The following RALGPS2 variants were observed in gnomAD, a reference collection of about 807,000 sequenced individuals.
RALGPS2 encodes the protein Ral GEF with PH domain and SH3 binding motif 2.
Under a neutral mutation model 86.8 loss-of-function variants are expected in RALGPS2, and 43 were observed. That is an observed-to-expected ratio of 0.50 (90% CI 0.39 to 0.64). The LOEUF (loss-of-function observed/expected upper bound fraction) is 0.64, where lower values mean the gene tolerates loss of function less well. RALGPS2 is among the 30% of genes least tolerant of loss of function. The pLI, the probability that RALGPS2 is intolerant of heterozygous loss-of-function variation, is 0.00. For synonymous variants in RALGPS2, 243 were observed against 231.3 expected (o/e 1.05, Z -0.46); for missense variants, 536 against 694.6 (o/e 0.77, Z 2.57).
chr1:178,785,405 T>G (rs1006653831), intron 3 of RALGPS2, 152 bp from the exon 4 acceptor site: 1 of 519,166 alleles, frequency 1.9e-6, no homozygotes, highest in African/African-American at 2.0e-5. Flanking sequence ...TAATTCTATT[T>G]AATGGTACAG....
At chr1:178,833,292 C>G in intron 7 of RALGPS2, 132 bp from the exon 8 acceptor site, 1 of 831,422 alleles carries the variant, frequency 1.2e-6, no homozygotes, top group East Asian at 3.7e-5. Flanking sequence ...TATATACTAC[C>G]AAGATATAAT....
At chr1:178,894,768 T>C (rs1019038405) in intron 16 of RALGPS2, among the ~76,000 whole-genome samples, 4 of 152,072 alleles carry the variant, frequency 2.6e-5, no homozygotes, top group Non-Finnish European at 5.9e-5. Flanking sequence ...TAAAATGTTA[T>C]TATATGTGCC....
At chr1:178,855,964 TA>T (rs1657510300) in intron 8 of RALGPS2, among the ~76,000 whole-genome samples, 1 of 148,474 alleles carries the variant, frequency 6.7e-6, no homozygotes, top group Non-Finnish European at 1.5e-5. Flanking sequence ...ATATCTAATA[TA>T]AGAACAAAAA....
chr1:178,901,140 G>A (rs1257810651), intron 17 of RALGPS2, among the ~76,000 whole-genome samples: 3 of 151,718 alleles, frequency 2.0e-5, no homozygotes, highest in South Asian at 2.1e-4. Flanking sequence ...TCCTTTAATC[G>A]TGAAGCATAT....
At chr1:178,865,249 C>T in intron 8 of RALGPS2, 1 of 1,614,084 alleles carries the variant, frequency 6.2e-7, no homozygotes. Context: ...CGTATTTCAC[C>T]TCTAGTTCCC....
At chr1:178,906,640 A>G (rs1384172265) in intron 18 of RALGPS2, 136 bp from the exon 19 acceptor site, 3 of 638,126 alleles carry the variant, frequency 4.7e-6, no homozygotes, top group African/African-American at 1.9e-5. Context: ...AGGAAATACA[A>G]TAAAATGGAG....
intron 8 of RALGPS2, among the ~76,000 whole-genome samples, chr1:178,875,502 C>CTT (rs1263396852): frequency 2.6e-5 from 4 of 152,172 alleles, no homozygotes; most frequent in African/African-American, 7.2e-5. Context: ...AATCCTAGCA[C>CTT]TTTGGGAGGC....
chr1:178,861,818 A>G (rs1313549374), intron 8 of RALGPS2, among the ~76,000 whole-genome samples: 1 of 152,164 alleles, frequency 6.6e-6, no homozygotes, highest in Non-Finnish European at 1.5e-5. Context: ...CCAGTGGGTC[A>G]CTTTATACAC....
At chr1:178,845,540 A>G (rs1197124938) in intron 8 of RALGPS2, among the ~76,000 whole-genome samples, 2 of 152,188 alleles carry the variant, frequency 1.3e-5, no homozygotes, top group Non-Finnish European at 2.9e-5. Flanking sequence ...AAGTAGTCAT[A>G]TAATAAATGT....
intron 1 of RALGPS2, among the ~76,000 whole-genome samples, chr1:178,773,344 T>C (rs1652900958): frequency 6.6e-6 from 1 of 150,980 alleles, no homozygotes; most frequent in Admixed American, 6.6e-5. Context: ...ACCCTGTCTC[T>C]TAAAAAAAAG....
chr1:178,855,281 C>G (rs12565332), intron 8 of RALGPS2, among the ~76,000 whole-genome samples: 22,868 of 148,372 alleles, frequency 0.15, 2,022 homozygotes, highest in East Asian at 0.32. Flanking sequence ...GTAGATTGTT[C>G]CGTGAGGACA....
chr1:178,883,473 T>G lies in RALGPS2; in HGVS notation c.844T>G (p.Leu282Val). 1.9e-6 allele frequency: 3 copies of G among 1,611,206 alleles called. No homozygotes were observed. Among genetic ancestry groups the G allele is most frequent in the Non-Finnish European group, 2.5e-6 (3 of 1,177,374 alleles). The change falls in exon 11 of 20, where the codon TTA becomes GTA. Residue 282 changes from leucine (L) to valine (V), a missense_variant. By Grantham distance (32) the Leu-to-Val change is conservative. Transcript: ENST00000367635. ...TGTCTTTTTAAAATTCAGGCTTTCA[T>G]TAAAGATAGAACCAGGGACAAGCAC... ...FVEDDNYKLSLKIEPGTSTPR... is the reference protein window; with the variant it reads ...FVEDDNYKLSVKIEPGTSTPR...
At chr1:178,771,498 T>G (rs547629463) in intron 1 of RALGPS2, among the ~76,000 whole-genome samples, 1 of 152,328 alleles carries the variant, frequency 6.6e-6, no homozygotes, top group African/African-American at 2.4e-5. Context: ...GATGTCTCTC[T>G]TTTCCCCATT....
rs994594825 is a variant in RALGPS2 at position 178,736,875 on chromosome 1, C to G, written c.-84+11456C>G. On this transcript the variant is annotated intron_variant, in intron 1 of 19. Transcript: ENST00000367635. The stretch of plus-strand genomic sequence containing the variant: ...TCGAGCCACTGCACTCCAGCCTGGG[C>G]AACAGAAGGACACCCCTGTCTTAAA... Among the ~76,000 whole-genome samples, 6 of 152,016 alleles carry G rather than the reference C, an allele frequency of 3.9e-5. 1 individual carries two copies. The highest frequency in any genetic ancestry group is 8.8e-5 in the Non-Finnish European group (6 of 68,014).
At chr1:178,731,439 C>T (rs1650354217) in intron 1 of RALGPS2, among the ~76,000 whole-genome samples, 2 of 151,816 alleles carry the variant, frequency 1.3e-5, no homozygotes, top group African/African-American at 2.4e-5. Flanking sequence ...TGCGCCACCA[C>T]ACCCAGCTAA....
intron 13 of RALGPS2, among the ~76,000 whole-genome samples, chr1:178,888,893 C>A (rs1659603902): frequency 6.6e-6 from 1 of 152,098 alleles, no homozygotes. Flanking sequence ...AGTCTCTCTT[C>A]TTAGAACCCT....
At chr1:178,804,508 A>G (rs1342176098) in intron 4 of RALGPS2, among the ~76,000 whole-genome samples, 3 of 138,802 alleles carry the variant, frequency 2.2e-5, no homozygotes, top group East Asian at 2.2e-4. Context: ...GTTCCCACCT[A>G]TGAGTGAGAA....
At chr1:178,888,795 C>T (rs1015676282) in intron 13 of RALGPS2, among the ~76,000 whole-genome samples, 6 of 152,146 alleles carry the variant, frequency 3.9e-5, no homozygotes, top group Admixed American at 1.3e-4. Flanking sequence ...TAATGGATAC[C>T]TTACAGCATC....
chr1:178,801,730 G>A (rs2102174155), intron 4 of RALGPS2, among the ~76,000 whole-genome samples: 1 of 149,882 alleles, frequency 6.7e-6, no homozygotes, highest in African/African-American at 2.4e-5. Context: ...AGGGAGCTAA[G>A]AGTTTCGAGA....
Sources: allele counts gnomAD v4.1 joint callset (sites outside exome capture counted in the v4.1 genomes callset), GRCh38; gene constraint gnomAD v4.1.1; transcripts MANE v1.5; gene names NCBI Gene and HGNC (gene_info 2026-07-23, HGNC 2026-07-21).